The following NUDT7 variants were observed in gnomAD, a reference collection of about 807,000 sequenced individuals.
The protein encoded by NUDT7 is nudix hydrolase 7.
In NUDT7, 19 loss-of-function variants were observed where a neutral mutation model predicts 13.1. The observed-to-expected ratio is 1.45, with a 90% CI of 1.01 to 2.13. The LOEUF (loss-of-function observed/expected upper bound fraction) is 2.13. Ranked by LOEUF, NUDT7 falls within the 30% of genes most tolerant of loss-of-function variation. The pLI, the probability that NUDT7 is intolerant of heterozygous loss-of-function variation, is 0.00. For missense variants in NUDT7, 360 were observed against 291.7 expected, an observed-to-expected ratio of 1.23 and a Z score of -1.71; for synonymous variants, 132 against 109.7, an observed-to-expected ratio of 1.20 and a Z score of -1.27.
At position 77,729,884 on chromosome 16, in the gene NUDT7, G is replaced by C. The variant is rs1167480720; in HGVS notation, c.189+4300G>C. ...AGATAAAATTGTATAGATTTATCCT[G>C]TACAACATGATGTTTTGAAGTATAT... is the stretch of plus-strand genomic sequence containing the variant. On this transcript the variant is annotated intron_variant, in intron 2 of 3. Transcript: ENST00000268533. Among the ~76,000 whole-genome samples, 4 of 151,926 alleles carry C rather than the reference G, an allele frequency of 2.6e-5. No individual in the cohort carries two copies. In the East Asian group the frequency reaches 7.7e-4, roughly 29 times the overall value.
At chr16:77,725,646 T>G in intron 2 of NUDT7, 62 bp downstream of exon 2, 1 of 1,518,618 alleles carries the variant, frequency 6.6e-7, no homozygotes, top group Non-Finnish European at 9.0e-7. Context: ...TCACGAGATT[T>G]TGTCACTTGC....
chr16:77,740,855 T>C (rs1478025251), intron 3 of NUDT7, among the ~76,000 whole-genome samples: 2 of 152,230 alleles, frequency 1.3e-5, no homozygotes, highest in Non-Finnish European at 1.5e-5. Flanking sequence ...GCCACTCATG[T>C]TCATTTGCAA....
chr16:77,725,656 C>A (rs762900303), intron 2 of NUDT7, 72 bp downstream of exon 2: 6 of 1,445,422 alleles, frequency 4.2e-6, no homozygotes, highest in Non-Finnish European at 5.7e-6. Context: ...TTGTCACTTG[C>A]ACACACTTTG....
chr16:77,737,486 T>C (rs1286574979), intron 3 of NUDT7: 2 of 143,920 alleles, frequency 1.4e-5, no homozygotes, highest in Non-Finnish European at 3.0e-5. Context: ...TTTTTTTTTG[T>C]TGTTGTTGTT....
chr16:77,723,108 G>C (rs533223189), intron 1 of NUDT7, among the ~76,000 whole-genome samples: 1 of 151,708 alleles, frequency 6.6e-6, no homozygotes, highest in Admixed American at 6.6e-5. Context: ...CGGGGTGGCT[G>C]CTACTGCTGT....
chr16:77,740,694 C>T (rs775128640), intron 3 of NUDT7, among the ~76,000 whole-genome samples: 12 of 151,972 alleles, frequency 7.9e-5, no homozygotes, highest in Admixed American at 3.9e-4. Context: ...ATTACAGGCA[C>T]GCACCACCAC....
chr16:77,736,379 G>A (rs1475855528), intron 3 of NUDT7: 2 of 175,694 alleles, frequency 1.1e-5, no homozygotes, highest in Admixed American at 1.1e-4. Flanking sequence ...TTAGCCCCTT[G>A]GAGACCACCA....
At position 77,741,891 on chromosome 16, in the gene NUDT7, T is replaced by G. The variant is rs149769461; in HGVS notation, c.658T>G (p.Leu220Val). The part of the protein sequence containing the change: ...FEVQFNLNDV[L>V]ASSEELFLKV... ...GGTTCAATTTAATCTTAATGATGTATTAGCATCCTCTGAAGAGTTATTCCT... is the reference window on the plus strand; with the variant it reads ...GGTTCAATTTAATCTTAATGATGTAGTAGCATCCTCTGAAGAGTTATTCCT... The change falls in exon 4 of 4, where the codon TTA becomes GTA. Residue 220 changes from leucine (L) to valine (V), a missense_variant. Leu to Val is a conservative substitution (Grantham distance 32, BLOSUM62 1). Transcript: ENST00000268533. 73 of 1,613,922 alleles carry G rather than the reference T, an allele frequency of 4.5e-5. No individual in the cohort carries two copies. The African/African-American group carries it at 8.9e-4, about 20-fold the overall frequency.
Position 77,741,795 on chromosome 16 carries a change from A to G in NUDT7, c.562A>G (p.Ile188Val), listed in dbSNP as rs1287891432. The change falls in exon 4 of 4, where the codon ATC becomes GTC. Residue 188 changes from isoleucine to valine, a missense_variant. Transcript: ENST00000268533. ...CCCTGAAGACGGTGTCACTTACCAG[A>G]TCAAGGGAATGACGGCAAACCTTGC... ...TNPEDGVTYQ[I>V]KGMTANLAVL... 2.5e-6 allele frequency: 4 copies of G among 1,614,160 alleles called. No homozygotes were observed. Among genetic ancestry groups the G allele is most frequent in the Non-Finnish European group, 3.4e-6 (4 of 1,180,034 alleles).
At position 77,737,707 on chromosome 16, in the gene NUDT7, G is replaced by A. The variant is rs886571267; in HGVS notation, c.348+1721G>A. Reference sequence around the variant, plus strand: ...TCACCGTGTTAGTCAGGATGGTCTCGATCTCCTGACCTCATGATCCGCCTG... The same window carrying A: ...TCACCGTGTTAGTCAGGATGGTCTCAATCTCCTGACCTCATGATCCGCCTG... On this transcript the variant is annotated intron_variant, in intron 3 of 3. Transcript: ENST00000268533. Among the ~76,000 whole-genome samples, 27 of 152,154 alleles carry A rather than the reference G, an allele frequency of 1.8e-4. No homozygotes were observed. In the Middle Eastern group the frequency reaches 0.01, roughly 58 times the overall value.
chr16:77,731,849 G>GAA (rs201815141), intron 2 of NUDT7, among the ~76,000 whole-genome samples: 2 of 148,722 alleles, frequency 1.3e-5, no homozygotes, highest in African/African-American at 4.9e-5. Flanking sequence ...AGTTTAAAAA[G>GAA]AAAAAAAAAT....
At position 77,722,576 on chromosome 16, in the gene NUDT7, C is replaced by T. The variant is rs545982146; in HGVS notation, c.-7C>T. ...AGTCCGCCCGGAAACAAACATTCCC[C>T]AGGGCAATGTCACGACTTGGTCTTC... On this transcript the variant is annotated 5_prime_UTR_variant, in exon 1 of 4. Transcript: ENST00000268533. The T allele has an allele frequency of 1.1e-5, 18 of 1,588,530 alleles. No individual in the cohort carries two copies. The South Asian group carries it at 1.3e-4, about 11-fold the overall frequency.
Position 77,735,948 on chromosome 16 carries a change from G to A in NUDT7, c.310G>A (p.Val104Met). Reference sequence around the variant, plus strand: ...GGAAGTGGGTCTCCGTCCTCACCAAGTGGAAGTTGTCTGCTGCCTGGTGCC... The same window carrying A: ...GGAAGTGGGTCTCCGTCCTCACCAAATGGAAGTTGTCTGCTGCCTGGTGCC... ...QEEVGLRPHQ[V>M]EVVCCLVPCL... is the part of the protein sequence containing the mutation. Residue 104 changes from valine (V) to methionine (M), a missense_variant, in exon 3 of 4, where the codon GTG becomes ATG. By Grantham distance (21) the Val-to-Met change is conservative (BLOSUM62 1). Coordinates refer to ENST00000268533, the MANE Select transcript of NUDT7 (RefSeq NM_001105663.3). The A allele has an allele frequency of 1.2e-6, 2 of 1,614,100 alleles. No homozygotes were observed. The highest frequency in any genetic ancestry group is 1.7e-6 in the Non-Finnish European group (2 of 1,179,988).
intron 3 of NUDT7, chr16:77,736,633 T>C (rs1022101111): frequency 1.7e-5 from 4 of 240,822 alleles, no homozygotes; most frequent in African/African-American, 6.9e-5. Flanking sequence ...TTTTCTTTTT[T>C]ATTTTTTTTT....
chr16:77,741,466 TC>T, intron 3 of NUDT7, 115 bp from the exon 4 acceptor site: 1 of 1,083,236 alleles, frequency 9.2e-7, no homozygotes, highest in African/African-American at 1.5e-5. Context: ...TAAGCTTTCT[TC>T]CCCTTCTCCC....
chr16:77,725,366 G>T, intron 1 of NUDT7, 65 bp from the exon 2 acceptor site: 2 of 1,429,070 alleles, frequency 1.4e-6, no homozygotes, highest in South Asian at 1.3e-5. Flanking sequence ...AACAGAGGCA[G>T]GACTATAAGC....
intron 3 of NUDT7, 57 bp downstream of exon 3, chr16:77,736,043 G>C (rs1387895480): frequency 1.7e-5 from 26 of 1,509,362 alleles, no homozygotes; most frequent in Non-Finnish European, 2.3e-5. Flanking sequence ...TGGATCTACT[G>C]TTCTCAGGAT....
rs1265175934 is a variant in NUDT7 at position 77,741,748 on chromosome 16, A to G, written c.515A>G (p.Asn172Ser). Residue 172 changes from asparagine (N) to serine (S), a missense_variant, in exon 4 of 4, where the codon AAT (asparagine) becomes AGT (serine). Physicochemically the swap from Asn to Ser is conservative, Grantham distance 46. Coordinates refer to ENST00000268533, the MANE Select transcript of NUDT7 (RefSeq NM_001105663.3). ...YVTRLGHRFINHIFEYTNPED... is the reference protein window; with the variant it reads ...YVTRLGHRFISHIFEYTNPED... ...ACACGTCTTGGTCACCGTTTTATTA[A>G]TCATATCTTTGAGTACACAAACCCT... The G allele has an allele frequency of 2.5e-6, 4 of 1,614,150 alleles. No individual in the cohort carries two copies. The highest frequency in any genetic ancestry group is 1.1e-5 in the South Asian group (1 of 91,070).
At chr16:77,722,724 C>T in intron 1 of NUDT7, 107 bp downstream of exon 1, 1 of 1,053,660 alleles carries the variant, frequency 9.5e-7, no homozygotes, top group South Asian at 1.4e-5. Flanking sequence ...CAGCTCCCGC[C>T]AGTCCACCTG....
Sources: gnomAD v4.1 joint callset for allele counts (sites outside exome capture counted in the v4.1 genomes callset) on GRCh38, gnomAD v4.1.1 for gene constraint, MANE v1.5 for transcripts, NCBI Gene and HGNC (gene_info 2026-07-23, HGNC 2026-07-21) for gene names.